The following PPP6R3 variants were observed in gnomAD, a reference collection of about 807,000 sequenced individuals.
PPP6R3 encodes the protein serine/threonine-protein phosphatase 6 regulatory subunit 3.
Under a neutral mutation model 110.7 loss-of-function variants are expected in PPP6R3, and 38 were observed. The ratio of observed to expected loss-of-function variants is 0.34; its 90% CI spans 0.26 to 0.45. PPP6R3 has a LOEUF of 0.45. Ranked by LOEUF, PPP6R3 falls within the 20% of genes least tolerant of loss-of-function variation. The pLI is 1.00. For missense variants in PPP6R3, 870 were observed against 1,062.4 expected (o/e 0.82, Z 2.52); for synonymous variants, 369 against 373.5 (o/e 0.99, Z 0.14).
At chr11:68,546,814 C>G (rs553978081) in intron 4 of PPP6R3, among the ~76,000 whole-genome samples, 1 of 152,280 alleles carries the variant, frequency 6.6e-6, no homozygotes, top group South Asian at 2.1e-4. Context: ...GTCCACCACA[C>G]TAGCTGGGAT....
At chr11:68,580,800 C>A (rs2099551180) in intron 14 of PPP6R3, among the ~76,000 whole-genome samples, 1 of 121,304 alleles carries the variant, frequency 8.2e-6, no homozygotes, top group Non-Finnish European at 1.6e-5. Context: ...GAGACAGAGT[C>A]TTGCTCTGTC....
chr11:68,604,630 G>A (rs1453199849), intron 22 of PPP6R3, among the ~76,000 whole-genome samples: 3 of 152,226 alleles, frequency 2.0e-5, no homozygotes, highest in Non-Finnish European at 4.4e-5. Flanking sequence ...AATGGAATCT[G>A]TAGATAAGGA....
At chr11:68,575,288 G>A (rs904370466) in intron 13 of PPP6R3, among the ~76,000 whole-genome samples, 1 of 152,140 alleles carries the variant, frequency 6.6e-6, no homozygotes, top group Non-Finnish European at 1.5e-5. Context: ...GACTAGTTAG[G>A]CCTCTAAAAT....
intron 21 of PPP6R3, among the ~76,000 whole-genome samples, chr11:68,602,361 A>G (rs2099634499): frequency 1.3e-5 from 2 of 152,132 alleles, no homozygotes; most frequent in Non-Finnish European, 2.9e-5. Context: ...GGGGCTGGTT[A>G]TTTTCACTTC....
chr11:68,504,359 T>C (rs1038556148), intron 1 of PPP6R3, among the ~76,000 whole-genome samples: 1 of 152,182 alleles, frequency 6.6e-6, no homozygotes, highest in South Asian at 2.1e-4. Flanking sequence ...TGAAAAGAGC[T>C]GTGTAGAGCT....
intron 2 of PPP6R3, among the ~76,000 whole-genome samples, chr11:68,537,408 T>G (rs181080850): frequency 6.6e-6 from 1 of 152,320 alleles, no homozygotes; most frequent in African/African-American, 2.4e-5. Flanking sequence ...CAGGTTAAAA[T>G]CATCCCAAGT....
At chr11:68,528,443 G>A (rs978664569) in intron 2 of PPP6R3, among the ~76,000 whole-genome samples, 2 of 136,712 alleles carry the variant, frequency 1.5e-5, no homozygotes, top group Admixed American at 7.4e-5. Flanking sequence ...TGGGGGGGGG[G>A]GCTGCACCTT....
At chr11:68,556,900 C>A (rs186561232) in intron 7 of PPP6R3, among the ~76,000 whole-genome samples, 10 of 152,262 alleles carry the variant, frequency 6.6e-5, no homozygotes, top group Non-Finnish European at 1.3e-4. Flanking sequence ...TTTTTCTTGT[C>A]CATTAGTAGA....
In PPP6R3 at chr11:68,482,222, C is replaced by CA. The variant is rs35130397; in HGVS notation, c.-158+21413dup. Among the ~76,000 whole-genome samples the CA allele has an allele frequency of 9.1e-3, 786 of 86,820 alleles. 3 individuals carry two copies. Among genetic ancestry groups the CA allele is most frequent in the East Asian group, 0.047 (134 of 2,854 alleles). 57.0% of individuals were successfully genotyped at this position (86,820 alleles called of 152,430 possible). A position where few individuals can be genotyped will look rare whatever the true frequency, so the allele number is the denominator to read the frequency against. ...CCAACATGGTGAAACCCCATCTCTC[C>CA]AAAAAAAAAAAAAAAAAACCAAAAA... On this transcript the variant is annotated intron_variant, in intron 1 of 23. Coordinates refer to ENST00000393800, the MANE Select transcript of PPP6R3 (RefSeq NM_001164161.2).
intron 1 of PPP6R3, among the ~76,000 whole-genome samples, chr11:68,512,102 C>T (rs150696123): frequency 5.3e-5 from 8 of 152,206 alleles, no homozygotes; most frequent in East Asian, 3.9e-4. Context: ...TCTGTGTACT[C>T]GTGGTTGATA....
intron 1 of PPP6R3, among the ~76,000 whole-genome samples, chr11:68,485,609 T>C (rs1197821631): frequency 1.3e-5 from 2 of 152,226 alleles, no homozygotes; most frequent in African/African-American, 4.8e-5. Context: ...TGGATTTTAT[T>C]AAATGCCTTT....
intron 1 of PPP6R3, among the ~76,000 whole-genome samples, chr11:68,464,725 T>C (rs1224126511): frequency 6.6e-6 from 1 of 152,176 alleles, no homozygotes; most frequent in Non-Finnish European, 1.5e-5. Flanking sequence ...CTCATGAAAA[T>C]ACATTACCAT....
chr11:68,568,122 G>A (rs2099486323), intron 10 of PPP6R3, among the ~76,000 whole-genome samples: 6 of 151,968 alleles, frequency 3.9e-5, no homozygotes, highest in African/African-American at 1.5e-4. Flanking sequence ...TCAGCTTTGG[G>A]TTAAATCAGT....
At chr11:68,548,927 G>T (rs1054641175) in intron 5 of PPP6R3, among the ~76,000 whole-genome samples, 4 of 152,134 alleles carry the variant, frequency 2.6e-5, no homozygotes, top group Non-Finnish European at 4.4e-5. Context: ...GTCTCACTCT[G>T]TCGCCCAGGC....
Position 68,528,713 on chromosome 11 carries a change from T to C in PPP6R3, c.-6-8946T>C, listed in dbSNP as rs2099216992. Reference sequence around the variant, plus strand: ...GAGTGACTCTGCTTTTTCCTGTTAATAGACACTTTCCTCCCTGGCCCCTTC... The same window carrying C: ...GAGTGACTCTGCTTTTTCCTGTTAACAGACACTTTCCTCCCTGGCCCCTTC... On this transcript the variant is annotated intron_variant, in intron 2 of 23. Transcript: ENST00000393800. Among the ~76,000 whole-genome samples, 2 of 152,206 alleles carry C rather than the reference T, an allele frequency of 1.3e-5. 1 individual carries two copies. Among genetic ancestry groups the C allele is most frequent in the South Asian group, 4.1e-4 (2 of 4,830 alleles).
chr11:68,471,189 C>T (rs753119073), intron 1 of PPP6R3, among the ~76,000 whole-genome samples: 3 of 148,610 alleles, frequency 2.0e-5, no homozygotes, highest in Admixed American at 6.9e-5. Context: ...GAAGCTGAGG[C>T]AGGAGAGTGG....
intron 6 of PPP6R3, among the ~76,000 whole-genome samples, chr11:68,552,279 G>C (rs771220810): frequency 3.9e-5 from 6 of 152,214 alleles, no homozygotes; most frequent in Non-Finnish European, 8.8e-5. Context: ...TTGCAGGTTA[G>C]ATGGGAGAGC....
In PPP6R3 at chr11:68,495,202, TTACAA is replaced by T. The variant is rs1377055889; in HGVS notation, c.-157-24293_-157-24289del. Among the ~76,000 whole-genome samples the T allele has an allele frequency of 2.0e-5, 3 of 152,326 alleles. 1 individual carries two copies. Among genetic ancestry groups the T allele is most frequent in the Admixed American group, 1.3e-4 (2 of 15,290 alleles). ...GATTATTTGTAAAAGATGATATAAC[TTACAA>T]TACAAGATTGTGAGGGTCAAATGCA... On this transcript the variant is annotated intron_variant, in intron 1 of 23. Transcript: ENST00000393800.
intron 2 of PPP6R3, among the ~76,000 whole-genome samples, chr11:68,531,700 A>G (rs1050799328): frequency 2.0e-5 from 3 of 152,202 alleles, no homozygotes; most frequent in African/African-American, 7.2e-5. Flanking sequence ...TTGCCTTAGC[A>G]GCTTCTGTTT....
Sources: gnomAD v4.1 joint callset for allele counts (sites outside exome capture counted in the v4.1 genomes callset) on GRCh38, gnomAD v4.1.1 for gene constraint, MANE v1.5 for transcripts, NCBI Gene and HGNC (gene_info 2026-07-23, HGNC 2026-07-21) for gene names.